Variants in QTMAN observed in about 807,000 individuals in gnomAD.
QTMAN encodes the protein queuosine-tRNA mannosyltransferase, also known as tRNA-queuosine alpha-mannosyltransferase.
chr2:144,145,919 G>T, the QTMAN span: 1 of 210,610 alleles, frequency 4.7e-6, no homozygotes. Flanking sequence ...TTAAAAAGCA[G>T]CTGCTTAGAA....
At chr2:144,109,241 C>T in the QTMAN span, among the ~76,000 whole-genome samples, 7 of 152,106 alleles carry the variant, frequency 4.6e-5, no homozygotes, top group Non-Finnish European at 1.0e-4. Context: ...AATAATACCA[C>T]ACATCTACAA....
the QTMAN span, among the ~76,000 whole-genome samples, chr2:144,027,853 A>G: frequency 6.6e-6 from 1 of 152,178 alleles, no homozygotes; most frequent in Non-Finnish European, 1.5e-5. Context: ...TTCTTTTTCT[A>G]TGATCAACAC....
At chr2:144,282,686 A>T in the QTMAN span, among the ~76,000 whole-genome samples, 4 of 152,090 alleles carry the variant, frequency 2.6e-5, no homozygotes, top group Non-Finnish European at 5.9e-5. Flanking sequence ...CTGGTTCCTC[A>T]CACAGAACTT....
the QTMAN span, among the ~76,000 whole-genome samples, chr2:144,173,975 C>T: frequency 2.6e-5 from 4 of 152,160 alleles, no homozygotes; most frequent in South Asian, 8.3e-4. Flanking sequence ...GAACCCAAGT[C>T]CCTCACCAGA....
At chr2:144,203,459 G>A in the QTMAN span, among the ~76,000 whole-genome samples, 3 of 152,090 alleles carry the variant, frequency 2.0e-5, no homozygotes, top group East Asian at 3.9e-4. Context: ...ACTAGGCCGC[G>A]GTGTGTGCTG....
At chr2:144,314,862 C>T in the QTMAN span, among the ~76,000 whole-genome samples, 1 of 152,092 alleles carries the variant, frequency 6.6e-6, no homozygotes, top group African/African-American at 2.4e-5. Context: ...ATAAATTATA[C>T]TCCATAAAGT....
chr2:144,082,023 A>T, the QTMAN span, among the ~76,000 whole-genome samples: 1 of 151,964 alleles, frequency 6.6e-6, no homozygotes, highest in East Asian at 1.9e-4. Flanking sequence ...GAGTACCTGG[A>T]ACTAGAGGCT....
chr2:144,032,664 C>T, the QTMAN span, among the ~76,000 whole-genome samples: 4 of 152,276 alleles, frequency 2.6e-5, no homozygotes, highest in East Asian at 7.7e-4. Context: ...AGAAGAAGTA[C>T]ATAAAGTGGT....
chr2:143,983,811 T>G, the QTMAN span, among the ~76,000 whole-genome samples: 9 of 152,222 alleles, frequency 5.9e-5, no homozygotes, highest in Admixed American at 2.0e-4. Flanking sequence ...CATACTGGCA[T>G]CTAAAGTATC....
At chr2:144,210,776 A>C in the QTMAN span, 1 of 152,192 alleles carries the variant, frequency 6.6e-6, no homozygotes, top group Non-Finnish European at 1.5e-5. Context: ...AATTATACCA[A>C]GGGTTTCAAG....
chr2:144,051,796 G>C, the QTMAN span, among the ~76,000 whole-genome samples: 1 of 152,110 alleles, frequency 6.6e-6, no homozygotes, highest in East Asian at 1.9e-4. Flanking sequence ...TACAAGAATG[G>C]GCAAGACACT....
chr2:144,120,075 T>C, the QTMAN span, among the ~76,000 whole-genome samples: 2 of 152,166 alleles, frequency 1.3e-5, no homozygotes, highest in African/African-American at 4.8e-5. Flanking sequence ...AGAAATTTTA[T>C]GAAAGAATGC....
the QTMAN span, among the ~76,000 whole-genome samples, chr2:144,045,802 T>G: frequency 4.6e-5 from 7 of 151,534 alleles, no homozygotes; most frequent in Non-Finnish European, 1.0e-4. Flanking sequence ...AGGAAGGAGG[T>G]CAAGGCTGGA....
At chr2:144,242,325 G>A in the QTMAN span, among the ~76,000 whole-genome samples, 1 of 151,582 alleles carries the variant, frequency 6.6e-6, no homozygotes, top group South Asian at 2.1e-4. Flanking sequence ...AAACAAGCAG[G>A]AGAAAAAGTT....
the QTMAN span, among the ~76,000 whole-genome samples, chr2:144,081,873 T>C: frequency 6.6e-6 from 1 of 152,036 alleles, no homozygotes; most frequent in East Asian, 1.9e-4. Context: ...GTTAACATAC[T>C]TTAGGGGTTA....
At chr2:144,080,527 T>A in the QTMAN span, among the ~76,000 whole-genome samples, 1 of 152,184 alleles carries the variant, frequency 6.6e-6, no homozygotes, top group Non-Finnish European at 1.5e-5. Context: ...CTAAACCATA[T>A]GTATACTTTA....
the QTMAN span, among the ~76,000 whole-genome samples, chr2:144,052,961 A>G: frequency 6.6e-6 from 1 of 152,152 alleles, no homozygotes; most frequent in Non-Finnish European, 1.5e-5. Flanking sequence ...TTTTAAAGGA[A>G]TATTTTGGGT....
the QTMAN span, among the ~76,000 whole-genome samples, chr2:144,258,231 AC>A: frequency 1.0e-3 from 141 of 141,648 alleles, no homozygotes; most frequent in African/African-American, 4.2e-3. Flanking sequence ...CAAAAAAAAA[AC>A]AAAAACAAAA....
the QTMAN span, among the ~76,000 whole-genome samples, chr2:144,052,851 A>G: frequency 1.4e-4 from 22 of 152,076 alleles, no homozygotes; most frequent in Non-Finnish European, 2.8e-4. Context: ...GGGTTTCTCC[A>G]TTGGTCAGGC....
Sources: allele counts gnomAD v4.1 joint callset (sites outside exome capture counted in the v4.1 genomes callset), GRCh38; gene constraint gnomAD v4.1.1; transcripts MANE v1.5; gene names NCBI Gene and HGNC (gene_info 2026-07-23, HGNC 2026-07-21).